Variants in RAPGEF6 observed in about 807,000 individuals in gnomAD.
The protein encoded by RAPGEF6 is Rap guanine nucleotide exchange factor 6.
A neutral mutation model predicts 171.4 loss-of-function variants in RAPGEF6; 56 were observed. The ratio of observed to expected loss-of-function variants is 0.33; its 90% confidence interval spans 0.26 to 0.41. RAPGEF6 has a LOEUF of 0.41. Among genes scored for constraint, RAPGEF6 ranks in the 10% least tolerant of loss-of-function variants. The pLI, the probability that RAPGEF6 is intolerant of heterozygous loss-of-function variation, is 1.00. For synonymous variants in RAPGEF6, 692 were observed against 650.1 expected (o/e 1.06, Z -0.98); for missense variants, 1,674 against 1,921.4 (o/e 0.87, Z 2.41).
Position 131,427,084 on chromosome 5 carries a change from G to T in RAPGEF6, c.*182C>A. 1 of 668,570 alleles carries T rather than the reference G, an allele frequency of 1.5e-6. No homozygotes were observed. Among genetic ancestry groups the T allele is most frequent in the Non-Finnish European group, 2.6e-6 (1 of 378,874 alleles). 41.4% of individuals were successfully genotyped at this position (668,570 alleles called of 1,614,324 possible). A position where few individuals can be genotyped will look rare whatever the true frequency, so the allele number is the denominator to read the frequency against. ...CCATTGCTCAGGAAACTATTTATCT[G>T]CAGAAATTAAATGAAAGGAAGCATA... On this transcript the variant is annotated 3_prime_UTR_variant, in exon 28 of 28. Transcript: ENST00000509018.
At chr5:131,602,293 GTTACTC>G (rs933490023) in intron 3 of RAPGEF6, among the ~76,000 whole-genome samples, 74 of 152,264 alleles carry the variant, frequency 4.9e-4, no homozygotes, top group African/African-American at 1.7e-3. Context: ...TGCACGGCAT[GTTACTC>G]TACTGAATAC....
intron 1 of RAPGEF6, among the ~76,000 whole-genome samples, chr5:131,613,750 A>G (rs1225630915): frequency 1.3e-5 from 2 of 152,194 alleles, no homozygotes; most frequent in Non-Finnish European, 2.9e-5. Context: ...AGACCACCTT[A>G]TAAGTTTCAG....
rs924856755 is a variant in RAPGEF6 at position 131,521,339 on chromosome 5, C to G, written c.627+51G>C. 11 of 1,485,214 alleles carry G rather than the reference C, an allele frequency of 7.4e-6. No homozygotes were observed. The African/African-American group carries it at 1.1e-4, about 15-fold the overall frequency. The allele number at this position is 1,485,214 out of a possible 1,614,324, so 92.0% of individuals were successfully genotyped here. A position where few individuals can be genotyped will look rare whatever the true frequency, so the allele number is the denominator to read the frequency against. On this transcript the variant is annotated intron_variant, in intron 7 of 27. Transcript: ENST00000509018. ...CATCTAAGGCACAATCACAGAATAT[C>G]TGGCAAATAAAAAAACCATATACGC...
At position 131,548,030 on chromosome 5, in the gene RAPGEF6, T is replaced by G; in HGVS notation, c.495+17A>C. On this transcript the variant is annotated intron_variant, in intron 6 of 27. Coordinates refer to ENST00000509018, the MANE Select transcript of RAPGEF6 (RefSeq NM_016340.6). ...AAAATTAAGGAAGATTCATGAAGTG[T>G]TCCTAAATATACTCACAGAAAGATA... The G allele has an allele frequency of 6.2e-7, 1 of 1,610,900 alleles. No homozygotes were observed. The highest frequency in any genetic ancestry group is 8.5e-7 in the Non-Finnish European group (1 of 1,178,306).
intron 4 of RAPGEF6, among the ~76,000 whole-genome samples, chr5:131,570,942 C>CTTT (rs767023216): frequency 5.6e-4 from 72 of 128,532 alleles, no homozygotes; most frequent in Middle Eastern, 3.7e-3. Context: ...TCCCCAACTA[C>CTTT]TTTTTTTTTT....
chr5:131,464,013 A>G, intron 18 of RAPGEF6, 28 bp downstream of exon 18: 3 of 1,536,198 alleles, frequency 2.0e-6, no homozygotes, highest in Non-Finnish European at 2.6e-6. Flanking sequence ...ATCTACAAAT[A>G]AGCACATCCA....
At chr5:131,597,054 T>C (rs990873298) in intron 3 of RAPGEF6, among the ~76,000 whole-genome samples, 5 of 151,818 alleles carry the variant, frequency 3.3e-5, no homozygotes, top group African/African-American at 9.7e-5. Context: ...TGATTAAAAA[T>C]GGGCAAAATA....
chr5:131,473,945 T>C (rs1352341092), intron 16 of RAPGEF6, among the ~76,000 whole-genome samples: 3 of 152,036 alleles, frequency 2.0e-5, no homozygotes. Context: ...AAGCAAAGAT[T>C]AGTGTTTCAA....
intron 1 of RAPGEF6, among the ~76,000 whole-genome samples, chr5:131,632,387 C>T (rs1444153356): frequency 2.6e-5 from 4 of 152,200 alleles, no homozygotes; most frequent in African/African-American, 9.7e-5. Context: ...TGCATCAAGT[C>T]TTTGATCAAA....
intron 6 of RAPGEF6, among the ~76,000 whole-genome samples, 161 bp from the exon 7 acceptor site, chr5:131,521,682 T>C (rs907592726): frequency 3.9e-5 from 6 of 152,150 alleles, no homozygotes; most frequent in Non-Finnish European, 7.4e-5. Flanking sequence ...AAGAACCATA[T>C]GGTACTCTCT....
intron 1 of RAPGEF6, among the ~76,000 whole-genome samples, chr5:131,608,811 ATC>A (rs1190995134): frequency 6.7e-6 from 1 of 149,848 alleles, no homozygotes; most frequent in Non-Finnish European, 1.5e-5. Flanking sequence ...TTACCACGTG[ATC>A]TCTTTTTTTT....
intron 1 of RAPGEF6, among the ~76,000 whole-genome samples, chr5:131,626,335 T>C (rs1366034342): frequency 1.3e-5 from 2 of 152,056 alleles, no homozygotes; most frequent in African/African-American, 4.8e-5. Flanking sequence ...ACCATACCAA[T>C]AGCTGTGATT....
chr5:131,594,700 C>T (rs1368885843), intron 3 of RAPGEF6, among the ~76,000 whole-genome samples: 1 of 152,232 alleles, frequency 6.6e-6, no homozygotes, highest in Non-Finnish European at 1.5e-5. Flanking sequence ...CAGAGCTGCT[C>T]AAGGCCTTGG....
At chr5:131,567,174 G>A (rs1762003823) in intron 4 of RAPGEF6, among the ~76,000 whole-genome samples, 1 of 151,610 alleles carries the variant, frequency 6.6e-6, no homozygotes, top group Admixed American at 6.6e-5. Flanking sequence ...CCTGATTCTG[G>A]AAATTTGTAT....
At chr5:131,540,089 T>C (rs996912494) in intron 6 of RAPGEF6, among the ~76,000 whole-genome samples, 1 of 152,230 alleles carries the variant, frequency 6.6e-6, no homozygotes, top group Non-Finnish European at 1.5e-5. Context: ...GTGCAGACGC[T>C]ATGCTGAAGA....
At chr5:131,436,248 C>T in intron 24 of RAPGEF6, 1 of 1,537,520 alleles carries the variant, frequency 6.5e-7, no homozygotes, top group Non-Finnish European at 8.7e-7. Flanking sequence ...CCTCAGTGGC[C>T]TTCTCAGTAC....
chr5:131,455,730 A>G (rs1469241684), intron 20 of RAPGEF6, 71 bp downstream of exon 20: 2 of 1,334,160 alleles, frequency 1.5e-6, no homozygotes. Flanking sequence ...AATATACCAT[A>G]CACAAAAATC....
intron 7 of RAPGEF6, among the ~76,000 whole-genome samples, chr5:131,516,979 TA>T (rs1758127277): frequency 2.6e-5 from 4 of 152,320 alleles, no homozygotes; most frequent in African/African-American, 9.6e-5. Flanking sequence ...TTTGGCCATA[TA>T]AAACAGTGTA....
At chr5:131,468,527 C>T (rs1014800255) in intron 17 of RAPGEF6, among the ~76,000 whole-genome samples, 7 of 97,126 alleles carry the variant, frequency 7.2e-5, no homozygotes, top group Middle Eastern at 4.9e-3. Context: ...GATGTATGTA[C>T]TGACCCTGAG....
Sources: gnomAD v4.1 joint callset for allele counts (sites outside exome capture counted in the v4.1 genomes callset) on GRCh38, gnomAD v4.1.1 for gene constraint, MANE v1.5 for transcripts, NCBI Gene and HGNC (gene_info 2026-07-23, HGNC 2026-07-21) for gene names.